The following ANKS1A variants were observed in gnomAD, a reference collection of about 807,000 sequenced individuals.
ANKS1A encodes ankyrin repeat and sterile alpha motif domain containing 1A.
Under a neutral mutation model 120.3 loss-of-function variants are expected in ANKS1A, and 55 were observed. The observed-to-expected ratio is 0.46, with a 90% CI of 0.37 to 0.57. The LOEUF (loss-of-function observed/expected upper bound fraction) is 0.57. ANKS1A is among the 20% of genes least tolerant of loss of function. The pLI is 0.00. For synonymous variants in ANKS1A, 590 were observed against 604.7 expected, an observed-to-expected ratio of 0.98 and a Z score of 0.36; for missense variants, 1,123 against 1,480.3, an observed-to-expected ratio of 0.76 and a Z score of 3.96.
chr6:35,086,337 T>C lies in ANKS1A; in HGVS notation c.3303+401T>C. ...TGCACCACCCACCGTCCTTCCTACCTACCGCTGCCATCTGTTAGTCCTGGA... is the reference window on the plus strand; with the variant it reads ...TGCACCACCCACCGTCCTTCCTACCCACCGCTGCCATCTGTTAGTCCTGGA... On this transcript the variant is annotated intron_variant, in intron 22 of 23. Transcript: ENST00000360359. This position sits in a 1 kb window ranked among gnomAD's most constrained non-coding sequence, Gnocchi z 5.1. 7.7e-7 allele frequency: 1 copy of C among 1,299,894 alleles called. No homozygotes were observed. Among genetic ancestry groups the C allele is most frequent in the Non-Finnish European group, 1.0e-6 (1 of 996,054 alleles). The allele number at this position is 1,299,894 out of a possible 1,614,324, so 80.5% of individuals were successfully genotyped here.
intron 10 of ANKS1A, among the ~76,000 whole-genome samples, chr6:35,009,431 G>A (rs1581638467): frequency 1.3e-5 from 2 of 152,274 alleles, no homozygotes; most frequent in South Asian, 2.1e-4. Context: ...GAGGGGGCAT[G>A]TTTGAGGGAT....
chr6:35,071,246 G>A (rs574087436), intron 13 of ANKS1A, among the ~76,000 whole-genome samples: 32 of 142,230 alleles, frequency 2.2e-4, no homozygotes, highest in African/African-American at 9.0e-4. Context: ...TCCCTAAAAT[G>A]TATGAAATCA....
intron 1 of ANKS1A, among the ~76,000 whole-genome samples, chr6:34,962,933 C>G (rs555866590): frequency 3.1e-4 from 47 of 151,124 alleles, no homozygotes; most frequent in African/African-American, 9.2e-4. Flanking sequence ...ACGATCTCGG[C>G]TCACTGCAAC....
rs398065697 is a variant in ANKS1A at position 34,948,151 on chromosome 6, G to GTT, written c.198-19075_198-19074dup. Among the ~76,000 whole-genome samples the GTT allele has an allele frequency of 6.7e-5, 9 of 134,876 alleles. No homozygotes were observed. The South Asian group carries it at 9.5e-4, about 14-fold the overall frequency. The allele number at this position is 134,876 out of a possible 152,430, so 88.5% of individuals were successfully genotyped here. The stretch of plus-strand genomic sequence containing the variant: ...GCACCCATTAACTCATCATTTAGGT[G>GTT]TTTTTTTTTTTTTTAATGTTCCAAA... On this transcript the variant is annotated intron_variant, in intron 1 of 23. Coordinates refer to ENST00000360359, the MANE Select transcript of ANKS1A (RefSeq NM_015245.3).
intron 1 of ANKS1A, among the ~76,000 whole-genome samples, chr6:34,890,861 G>A (rs546326669): frequency 3.3e-4 from 50 of 152,288 alleles, no homozygotes; most frequent in African/African-American, 1.1e-3. Context: ...CAGTTTGAGT[G>A]AGCTTGGACC....
rs537524519 is a variant in ANKS1A at position 35,057,086 on chromosome 6, T to C, written c.2077+2921T>C. Among the ~76,000 whole-genome samples, 5 of 152,116 alleles carry C rather than the reference T, an allele frequency of 3.3e-5. No individual in the cohort carries two copies. Among genetic ancestry groups the C allele is most frequent in the Admixed American group, 2.0e-4 (3 of 15,288 alleles). The stretch of plus-strand genomic sequence containing the variant: ...CTCCAGCAGGCAGCCCTGCACCAAG[T>C]GTGGGATTGCCCAGCACCACTGGTT... On this transcript the variant is annotated intron_variant, in intron 12 of 23. Transcript: ENST00000360359. The surrounding 1 kb of genome is among the most constrained non-coding windows in gnomAD (Gnocchi z 4.1).
Position 34,970,162 on chromosome 6 carries a change from A to T in ANKS1A, c.431A>T (p.Glu144Val), listed in dbSNP as rs1194396873. 1 of 1,612,770 alleles carries T rather than the reference A, an allele frequency of 6.2e-7. No individual in the cohort carries two copies. Among genetic ancestry groups the T allele is most frequent in the Non-Finnish European group, 8.5e-7 (1 of 1,179,622 alleles). ...HQGPSHTRVN[E>V]QNNDNETALH... ...GGGCCTTCACACACCAGAGTCAATG[A>T]ACAGGTCGGAAGGAAGGGAGGCTTT... Residue 144 changes from glutamate (E) to valine (V), a missense_variant, in exon 3 of 24, where the codon GAA becomes GTA. Transcript: ENST00000360359.
intron 2 of ANKS1A, among the ~76,000 whole-genome samples, chr6:34,968,590 A>T (rs555027866): frequency 1.3e-5 from 2 of 152,092 alleles, no homozygotes; most frequent in Non-Finnish European, 2.9e-5. Flanking sequence ...GGCGCCCGCC[A>T]CCACACCCAG....
chr6:34,955,446 G>C (rs1256289057), intron 1 of ANKS1A, among the ~76,000 whole-genome samples: 1 of 152,052 alleles, frequency 6.6e-6, no homozygotes, highest in Admixed American at 6.6e-5. Context: ...CATTTTCTGA[G>C]TTTTCTATGT....
intron 1 of ANKS1A, among the ~76,000 whole-genome samples, chr6:34,943,014 C>CTGGA (rs1370672940): frequency 6.7e-6 from 1 of 149,974 alleles, no homozygotes; most frequent in Non-Finnish European, 1.5e-5. Context: ...GTTGGCCAGG[C>CTGGA]TGGAGTGTAG....
chr6:34,958,700 C>G (rs1199083644), intron 1 of ANKS1A, among the ~76,000 whole-genome samples: 1 of 152,190 alleles, frequency 6.6e-6, no homozygotes, highest in East Asian at 1.9e-4. Context: ...CTTGTATGCT[C>G]CAGCCACTCG....
chr6:34,924,902 T>C (rs1768630852), intron 1 of ANKS1A, among the ~76,000 whole-genome samples: 2 of 152,212 alleles, frequency 1.3e-5, no homozygotes, highest in Admixed American at 1.3e-4. Flanking sequence ...ATTATAGGCG[T>C]GAGCCACCAC....
chr6:34,939,587 C>A (rs1769427822), intron 1 of ANKS1A, among the ~76,000 whole-genome samples: 1 of 152,140 alleles, frequency 6.6e-6, no homozygotes, highest in African/African-American at 2.4e-5. Flanking sequence ...GTGGCTTATG[C>A]CTGTAATCCC....
intron 1 of ANKS1A, among the ~76,000 whole-genome samples, chr6:34,891,697 A>G (rs1766830759): frequency 6.6e-6 from 1 of 151,550 alleles, no homozygotes; most frequent in Admixed American, 6.6e-5. Context: ...GCAGTATCTC[A>G]GCTCACTGCA....
downstream of ANKS1A, among the ~76,000 whole-genome samples, chr6:35,093,723 C>A (rs1037662332): frequency 1.3e-5 from 2 of 152,148 alleles, no homozygotes; most frequent in African/African-American, 4.8e-5. Context: ...TGGGCACAGA[C>A]AAAAACCTGT....
chr6:34,953,926 T>C (rs1770213832), intron 1 of ANKS1A, among the ~76,000 whole-genome samples: 1 of 152,174 alleles, frequency 6.6e-6, no homozygotes, highest in Non-Finnish European at 1.5e-5. Flanking sequence ...TTCTTTACAG[T>C]TGTGCAACAG....
intron 9 of ANKS1A, among the ~76,000 whole-genome samples, chr6:34,992,396 A>T (rs1331839268): frequency 6.6e-6 from 1 of 152,226 alleles, no homozygotes; most frequent in Non-Finnish European, 1.5e-5. Context: ...CATGGAAGTC[A>T]TCAGCCCTCT....
chr6:34,933,197 G>T (rs911185493), intron 1 of ANKS1A, among the ~76,000 whole-genome samples: 2 of 152,140 alleles, frequency 1.3e-5, no homozygotes, highest in African/African-American at 4.8e-5. Context: ...TGTATGAGTA[G>T]TTCCTCTTTG....
chr6:34,956,585 G>C (rs1770377571), intron 1 of ANKS1A, among the ~76,000 whole-genome samples: 2 of 152,134 alleles, frequency 1.3e-5, no homozygotes, highest in African/African-American at 4.8e-5. Flanking sequence ...GCCATCATCT[G>C]TTGAACTTTT....
Sources: gnomAD v4.1 joint callset for allele counts (sites outside exome capture counted in the v4.1 genomes callset) on GRCh38, gnomAD v4.1.1 for gene constraint, Gnocchi (gnomAD v3.1) non-coding constraint, MANE v1.5 for transcripts, NCBI Gene and HGNC (gene_info 2026-07-23, HGNC 2026-07-21) for gene names.